Variants in STK3 observed in about 807,000 individuals in gnomAD.
The protein encoded by STK3 is serine/threonine kinase 3, also known as serine/threonine-protein kinase 3.
A neutral mutation model predicts 58.0 loss-of-function variants in STK3; 41 were observed. That is an observed-to-expected ratio of 0.71 (90% CI 0.55 to 0.92). The LOEUF (loss-of-function observed/expected upper bound fraction) is 0.92. Among genes scored for constraint, STK3 ranks in the 40% least tolerant of loss-of-function variants. The pLI, the probability that STK3 is intolerant of heterozygous loss-of-function variation, is 0.00. For synonymous variants in STK3, 170 were observed against 191.0 expected (o/e 0.89, Z 0.91); for missense variants, 479 against 602.7 (o/e 0.79, Z 2.15).
At chr8:98,658,714 A>G (rs1821737465) in intron 6 of STK3, among the ~76,000 whole-genome samples, 1 of 152,012 alleles carries the variant, frequency 6.6e-6, no homozygotes, top group Non-Finnish European at 1.5e-5. Context: ...ATTCTTAAAT[A>G]ACTTCATTAC....
chr8:98,900,129 T>G (rs1156514386), intron 1 of STK3, among the ~76,000 whole-genome samples: 1 of 152,140 alleles, frequency 6.6e-6, no homozygotes, highest in Non-Finnish European at 1.5e-5. Context: ...CAGGCTGGAG[T>G]GCAGTGGTGC....
At chr8:98,905,616 G>A (rs1266324367) in intron 1 of STK3, 9 of 925,814 alleles carry the variant, frequency 9.7e-6, no homozygotes, top group African/African-American at 3.3e-5. Flanking sequence ...AAAAGAGAGC[G>A]GATCTCCTGC....
chr8:98,683,492 A>C (rs1032216692), intron 6 of STK3, among the ~76,000 whole-genome samples: 1 of 152,142 alleles, frequency 6.6e-6, no homozygotes, highest in Admixed American at 6.5e-5. Flanking sequence ...TTATGTTAGA[A>C]TCTGCTAGAT....
intron 10 of STK3, among the ~76,000 whole-genome samples, chr8:98,517,864 C>T (rs1825052362): frequency 6.6e-6 from 1 of 151,998 alleles, no homozygotes; most frequent in African/African-American, 2.4e-5. Context: ...GTAATCACCC[C>T]AATAGTCCCC....
At chr8:98,803,593 C>CAAAAAAAA (rs34316563) in intron 1 of STK3, among the ~76,000 whole-genome samples, 1 of 38,860 alleles carries the variant, frequency 2.6e-5, no homozygotes, top group Non-Finnish European at 4.5e-5. Context: ...GACTCTGTTT[C>CAAAAAAAA]AAAAAAAAAA....
rs547668234 is a variant in STK3 at position 98,456,514 on chromosome 8, G to A, written c.1318-514C>T. On this transcript the variant is annotated intron_variant, in intron 10 of 10. Transcript: ENST00000419617. Reference sequence around the variant, plus strand: ...AAAGAAGATGACTGTGGTAGGGGGCGGGAAGTAAGGCTGAATAGGCCTGGT... The same window carrying A: ...AAAGAAGATGACTGTGGTAGGGGGCAGGAAGTAAGGCTGAATAGGCCTGGT... 7.9e-5 allele frequency among the ~76,000 whole-genome samples: 12 copies of A among 152,316 alleles called. No homozygotes were observed. In the East Asian group the frequency reaches 2.1e-3, roughly 27 times the overall value.
chr8:98,909,447 C>A (rs1391054275), intron 1 of STK3, among the ~76,000 whole-genome samples: 1 of 152,178 alleles, frequency 6.6e-6, no homozygotes, highest in Non-Finnish European at 1.5e-5. Context: ...CCACAATCAG[C>A]TTTAAAACAT....
intron 10 of STK3, among the ~76,000 whole-genome samples, chr8:98,465,173 G>C (rs1820368952): frequency 6.6e-6 from 1 of 152,118 alleles, no homozygotes; most frequent in Non-Finnish European, 1.5e-5. Flanking sequence ...TCACCTTAGG[G>C]GGCAGATATT....
chr8:98,918,821 T>G (rs182226975), intron 1 of STK3, among the ~76,000 whole-genome samples: 1 of 151,860 alleles, frequency 6.6e-6, no homozygotes, highest in Non-Finnish European at 1.5e-5. Context: ...AAACCTTTGT[T>G]TAAGGTGTTA....
chr8:98,361,304 A>T, the STK3 span, among the ~76,000 whole-genome samples: 1 of 152,136 alleles, frequency 6.6e-6, no homozygotes, highest in Admixed American at 6.5e-5. Context: ...AGAAAAAAAA[A>T]TGCAGTGCTT....
At position 98,847,175 on chromosome 8, in the gene STK3, G is replaced by A. The variant is rs373129192; in HGVS notation, c.110+36472C>T. ...AGCCAAGAGTTTGAGGTTGCAGCACGCTATGATTGCATCTGTGAATAGCCA... is the reference window on the plus strand; with the variant it reads ...AGCCAAGAGTTTGAGGTTGCAGCACACTATGATTGCATCTGTGAATAGCCA... On this transcript the variant is annotated intron_variant, in intron 3 of 12. Coordinates refer to the STK3 transcript ENST00000523601. Among the ~76,000 whole-genome samples, 70 of 152,260 alleles carry A rather than the reference G, an allele frequency of 4.6e-4. No individual in the cohort carries two copies. The South Asian group carries it at 0.013, about 29-fold the overall frequency.
rs541685213 is a variant in STK3 at position 98,922,108 on chromosome 8, G to A, written c.-79+20270C>T. 5.3e-5 allele frequency among the ~76,000 whole-genome samples: 8 copies of A among 152,206 alleles called. No individual in the cohort carries two copies. The South Asian group carries it at 6.2e-4, about 12-fold the overall frequency. ...AAGGCTTAAGAGGGAAACTGCTGGCGTATTTCTGGGAGAGATATTTTGTTT... is the reference window on the plus strand; with the variant it reads ...AAGGCTTAAGAGGGAAACTGCTGGCATATTTCTGGGAGAGATATTTTGTTT... On this transcript the variant is annotated intron_variant, in intron 1 of 1. Transcript: ENST00000519420.
chr8:98,870,576 C>T (rs1837334233), intron 3 of STK3, among the ~76,000 whole-genome samples: 1 of 152,218 alleles, frequency 6.6e-6, no homozygotes, highest in South Asian at 2.1e-4. Context: ...TTTTGATTTG[C>T]ATTTCTCTAA....
chr8:98,512,543 T>C (rs991206509), intron 10 of STK3, among the ~76,000 whole-genome samples: 1 of 152,168 alleles, frequency 6.6e-6, no homozygotes, highest in African/African-American at 2.4e-5. Context: ...AATATTTGTA[T>C]GAAGCTAAAA....
chr8:98,592,549 T>TGA (rs1815406637), intron 7 of STK3, among the ~76,000 whole-genome samples: 1 of 152,074 alleles, frequency 6.6e-6, no homozygotes, highest in Admixed American at 6.5e-5. Context: ...GGTGTGTGTG[T>TGA]GACCTTTCTA....
downstream of STK3, chr8:98,883,528 C>A (rs1422842162): frequency 1.7e-6 from 1 of 588,606 alleles, no homozygotes; most frequent in African/African-American, 1.9e-5. Flanking sequence ...CCAAGTAACA[C>A]ATCAATTTAA....
At chr8:98,536,913 A>G (rs1299403212) in intron 9 of STK3, among the ~76,000 whole-genome samples, 3 of 152,218 alleles carry the variant, frequency 2.0e-5, no homozygotes, top group Non-Finnish European at 2.9e-5. Context: ...AGTAGTTTAA[A>G]TATCACTACG....
chr8:98,494,407 G>A (rs1822960474), intron 10 of STK3, among the ~76,000 whole-genome samples: 2 of 152,022 alleles, frequency 1.3e-5, no homozygotes, highest in South Asian at 4.1e-4. Context: ...CTGTAGTTTT[G>A]AAGACTCTTC....
intron 10 of STK3, among the ~76,000 whole-genome samples, chr8:98,515,981 T>C (rs1186722450): frequency 6.6e-6 from 1 of 152,098 alleles, no homozygotes; most frequent in African/African-American, 2.4e-5. Context: ...TGTCAGCTGC[T>C]GTTTTTCCCA....
Sources: gnomAD v4.1 joint callset for allele counts (sites outside exome capture counted in the v4.1 genomes callset) on GRCh38, gnomAD v4.1.1 for gene constraint, MANE v1.5 for transcripts, NCBI Gene and HGNC (gene_info 2026-07-23, HGNC 2026-07-21) for gene names.